Variants in REG4 observed in about 807,000 individuals in gnomAD.
REG4 encodes regenerating family member 4, also known as regenerating islet-derived protein 4.
A neutral mutation model predicts 22.3 loss-of-function variants in REG4; 16 were observed. The observed-to-expected ratio is 0.72, with a 90% confidence interval of 0.49 to 1.09. The LOEUF (loss-of-function observed/expected upper bound fraction) is 1.09, where lower values mean the gene tolerates loss of function less well. Among genes scored for constraint, REG4 ranks in the 50% least tolerant of loss-of-function variants. REG4 has a pLI of 0.00. For synonymous variants in REG4, 71 were observed against 69.2 expected, an observed-to-expected ratio of 1.03 and a Z score of -0.13; for missense variants, 214 against 193.9, an observed-to-expected ratio of 1.10 and a Z score of -0.61.
chr1:119,799,300 A>C (rs1166798946), intron 4 of REG4, among the ~76,000 whole-genome samples: 1 of 152,026 alleles, frequency 6.6e-6, no homozygotes, highest in South Asian at 2.1e-4. Flanking sequence ...CAAGGATAAC[A>C]TAAAAAAAAT....
intron 1 of REG4, among the ~76,000 whole-genome samples, 156 bp downstream of exon 1, chr1:119,811,253 A>G (rs1160012148): frequency 6.6e-6 from 1 of 152,240 alleles, no homozygotes; most frequent in East Asian, 1.9e-4. Context: ...GAAGGAAGAA[A>G]AGAAGGTAAA....
intron 4 of REG4, 120 bp downstream of exon 4, chr1:119,799,605 G>A (rs587771695): frequency 1.5e-6 from 2 of 1,305,818 alleles, no homozygotes; most frequent in South Asian, 1.5e-5. Context: ...GTCAGCTGGA[G>A]GCACATCTGG....
At chr1:119,803,763 G>T (rs1198440828) in intron 2 of REG4, among the ~76,000 whole-genome samples, 2 of 152,200 alleles carry the variant, frequency 1.3e-5, no homozygotes, top group African/African-American at 4.8e-5. Context: ...TGGCTTGGGA[G>T]ACAAGGGAAG....
intron 3 of REG4, 191 bp downstream of exon 3, chr1:119,802,877 C>A (rs1288007971): frequency 1.3e-6 from 2 of 1,552,336 alleles, no homozygotes; most frequent in Non-Finnish European, 8.7e-7. Context: ...GCATACAGCA[C>A]CTGCTTCAGC....
Position 119,798,610 on chromosome 1 carries a change from A to G in REG4, c.304-8T>C. 1 of 1,612,558 alleles carries G rather than the reference A, an allele frequency of 6.2e-7. No individual in the cohort carries two copies. The highest frequency in any genetic ancestry group is 1.7e-5 in the Admixed American group (1 of 60,024). On this transcript the variant is annotated splice_region_variant and splice_polypyrimidine_tract_variant and intron_variant, in intron 4 of 5. Transcript: ENST00000256585. Reference sequence around the variant, plus strand: ...CCACTGCCACTGCTGCCTCTGCAACAACAGGAGATGGAGAAGTGTACAGCT... The same window carrying G: ...CCACTGCCACTGCTGCCTCTGCAACGACAGGAGATGGAGAAGTGTACAGCT...
At chr1:119,806,058 A>T (rs1315675020) in intron 2 of REG4, among the ~76,000 whole-genome samples, 1 of 152,084 alleles carries the variant, frequency 6.6e-6, no homozygotes, top group Non-Finnish European at 1.5e-5. Flanking sequence ...CAGCCTCCTG[A>T]GTAGCTGGGA....
chr1:119,797,169 C>T (rs1653958411), intron 5 of REG4, among the ~76,000 whole-genome samples: 1 of 144,980 alleles, frequency 6.9e-6, no homozygotes, highest in African/African-American at 2.5e-5. Flanking sequence ...TGGGGTAGCT[C>T]ATTATGTGTT....
intron 3 of REG4, 69 bp from the exon 4 acceptor site, chr1:119,799,931 T>C: frequency 6.3e-7 from 1 of 1,575,310 alleles, no homozygotes; most frequent in Non-Finnish European, 8.6e-7. Flanking sequence ...CTCAGAACGC[T>C]AGCGTGCCAA....
Position 119,811,455 on chromosome 1 carries a change from T to A in REG4, c.-141A>T, listed in dbSNP as rs1654496638. 1 of 152,216 alleles carries A rather than the reference T, an allele frequency of 6.6e-6. No individual in the cohort carries two copies. Among genetic ancestry groups the A allele is most frequent in the Non-Finnish European group, 1.5e-5 (1 of 68,040 alleles). 9.4% of individuals were successfully genotyped at this position (152,216 alleles called of 1,614,324 possible). Reference sequence around the variant, plus strand: ...AAGGGCCCCTGCCTTCTTCAGTGTCTCCAGTGGTCCCAGTCAACGTTTCTG... The same window carrying A: ...AAGGGCCCCTGCCTTCTTCAGTGTCACCAGTGGTCCCAGTCAACGTTTCTG... On this transcript the variant is annotated 5_prime_UTR_variant, in exon 1 of 6. Coordinates refer to ENST00000256585, the MANE Select transcript of REG4 (RefSeq NM_032044.4).
chr1:119,795,648 C>T (rs1033749418), intron 5 of REG4, among the ~76,000 whole-genome samples: 4 of 152,270 alleles, frequency 2.6e-5, no homozygotes, highest in South Asian at 2.1e-4. Flanking sequence ...GTTCCCAGTG[C>T]GTGTGGGTGG....
chr1:119,808,534 T>A (rs887990497), intron 2 of REG4, among the ~76,000 whole-genome samples, 169 bp downstream of exon 2: 1 of 152,216 alleles, frequency 6.6e-6, no homozygotes, highest in East Asian at 1.9e-4. Context: ...TTTTGTTGGA[T>A]TCTAGAGCCC....
intron 5 of REG4, among the ~76,000 whole-genome samples, chr1:119,795,128 T>A: frequency 6.6e-6 from 1 of 152,192 alleles, no homozygotes; most frequent in East Asian, 1.9e-4. Flanking sequence ...AATCTCTGTC[T>A]CTCTATATAT....
chr1:119,796,786 C>T (rs995930549), intron 5 of REG4, among the ~76,000 whole-genome samples: 13 of 152,176 alleles, frequency 8.5e-5, no homozygotes, highest in Non-Finnish European at 1.8e-4. Context: ...GAGCTTCAGG[C>T]TTCTGGTTCC....
At chr1:119,796,397 C>T (rs761038533) in intron 5 of REG4, among the ~76,000 whole-genome samples, 30 of 152,066 alleles carry the variant, frequency 2.0e-4, no homozygotes, top group Non-Finnish European at 3.7e-4. Context: ...TCACAAAACA[C>T]ATTTTGATGT....
intron 3 of REG4, chr1:119,802,117 G>C (rs901140162): frequency 1.3e-5 from 2 of 156,650 alleles, no homozygotes; most frequent in African/African-American, 2.4e-5. Flanking sequence ...TCCTGGGACA[G>C]AGTCTGGGAA....
intron 1 of REG4, among the ~76,000 whole-genome samples, chr1:119,809,800 A>G (rs913454148): frequency 6.6e-6 from 1 of 152,202 alleles, no homozygotes. Context: ...TTAATAGGGC[A>G]CTAAAAGGAT....
intron 1 of REG4, among the ~76,000 whole-genome samples, chr1:119,810,590 A>C (rs1259492232): frequency 6.6e-6 from 1 of 152,176 alleles, no homozygotes; most frequent in Non-Finnish European, 1.5e-5. Context: ...TTTCCTTCCA[A>C]AAGTAATAGT....
intron 4 of REG4, among the ~76,000 whole-genome samples, chr1:119,799,060 C>G (rs1373900662): frequency 4.6e-5 from 7 of 151,984 alleles, no homozygotes; most frequent in Non-Finnish European, 1.5e-5. Context: ...AGAGGTTGAA[C>G]GAATGTGTGG....
chr1:119,808,913 T>A (rs925479306), intron 1 of REG4, 50 bp from the exon 2 acceptor site: 5 of 555,566 alleles, frequency 9.0e-6, no homozygotes, highest in African/African-American at 7.8e-5. Flanking sequence ...AGATGCCAAC[T>A]AATACATATG....
Sources: gnomAD v4.1 joint callset for allele counts (sites outside exome capture counted in the v4.1 genomes callset) on GRCh38, gnomAD v4.1.1 for gene constraint, MANE v1.5 for transcripts, NCBI Gene and HGNC (gene_info 2026-07-23, HGNC 2026-07-21) for gene names.